STARD6: variants seen among roughly 807,000 people sequenced by gnomAD.
STARD6 encodes the protein StAR related lipid transfer domain containing 6.
STARD6 carries 21 observed loss-of-function variants against 22.3 expected under a neutral mutation model. That is an observed-to-expected ratio of 0.94 (90% CI 0.67 to 1.35). The LOEUF (loss-of-function observed/expected upper bound fraction) is 1.35. Among genes scored for constraint, STARD6 ranks in the 40% most tolerant of loss-of-function variants. The pLI, the probability that STARD6 is intolerant of heterozygous loss-of-function variation, is 0.00. For synonymous variants in STARD6, 80 were observed against 88.1 expected, an observed-to-expected ratio of 0.91 and a Z score of 0.52; for missense variants, 269 against 266.9, an observed-to-expected ratio of 1.01 and a Z score of -0.05.
At chr18:54,354,260 C>A in intron 3 of STARD6, 157 bp from the exon 4 acceptor site, 1 of 623,692 alleles carries the variant, frequency 1.6e-6, no homozygotes, top group South Asian at 2.4e-5. Flanking sequence ...CTATGTTGCC[C>A]AGTCTGTAGT....
At chr18:54,354,385 C>T (rs774466363) in intron 3 of STARD6, 99 bp downstream of exon 3, 1 of 1,067,758 alleles carries the variant, frequency 9.4e-7, no homozygotes, top group Non-Finnish European at 1.4e-6. Context: ...CACACCACTG[C>T]ACCTGGAACA....
At chr18:54,354,613 T>G (rs1187708264) in intron 2 of STARD6, 36 bp from the exon 3 acceptor site, 1 of 1,477,320 alleles carries the variant, frequency 6.8e-7, no homozygotes, top group Admixed American at 1.9e-5. Flanking sequence ...GGTAAGAATA[T>G]AACCATATAA....
chr18:54,345,430 CAG>C (rs780862253), intron 4 of STARD6, among the ~76,000 whole-genome samples: 1 of 152,062 alleles, frequency 6.6e-6, no homozygotes, highest in Non-Finnish European at 1.5e-5. Flanking sequence ...TCAAAATAAA[CAG>C]AGAGACATCC....
In STARD6 at chr18:54,324,502, A is replaced by G. The variant is rs1300779178; in HGVS notation, c.*190T>C. The stretch of plus-strand genomic sequence containing the variant: ...AACATCATTCTTACGTGAGATTAAA[A>G]ACGGTATTTAATGCCATATTCTTGT... On this transcript the variant is annotated 3_prime_UTR_variant, in exon 8 of 8. Transcript: ENST00000307844. 2.1e-6 allele frequency: 1 copy of G among 471,284 alleles called. No individual in the cohort carries two copies. Among genetic ancestry groups the G allele is most frequent in the Non-Finnish European group, 3.7e-6 (1 of 273,466 alleles). 29.2% of individuals were successfully genotyped at this position (471,284 alleles called of 1,614,324 possible).
chr18:54,336,160 C>G (rs1385750564), intron 5 of STARD6, among the ~76,000 whole-genome samples: 2 of 152,104 alleles, frequency 1.3e-5, no homozygotes, highest in Non-Finnish European at 2.9e-5. Context: ...TTTGTTTTCT[C>G]TTTGTTTTTA....
chr18:54,335,437 A>T (rs942060030), intron 5 of STARD6, among the ~76,000 whole-genome samples: 1 of 151,456 alleles, frequency 6.6e-6, no homozygotes, highest in Non-Finnish European at 1.5e-5. Flanking sequence ...CAGGTGATCC[A>T]CCCGCCTCTG....
At chr18:54,324,972 C>T (rs1407203491) in intron 7 of STARD6, 97 bp from the exon 8 acceptor site, 2 of 943,926 alleles carry the variant, frequency 2.1e-6, no homozygotes, top group African/African-American at 3.5e-5. Context: ...ATCTTATTCA[C>T]CGTTGACATA....
chr18:54,333,717 T>G (rs1015949151), intron 5 of STARD6, among the ~76,000 whole-genome samples: 1 of 152,196 alleles, frequency 6.6e-6, no homozygotes, highest in Non-Finnish European at 1.5e-5. Flanking sequence ...AACTCTTCTC[T>G]CCTAGATTTT....
intron 2 of STARD6, among the ~76,000 whole-genome samples, chr18:54,355,272 C>A (rs778984079): frequency 1.3e-5 from 2 of 152,108 alleles, no homozygotes; most frequent in Non-Finnish European, 2.9e-5. Flanking sequence ...GTTCATATAA[C>A]TGACTGTTTC....
intron 5 of STARD6, among the ~76,000 whole-genome samples, chr18:54,332,434 C>T (rs935642534): frequency 6.6e-6 from 1 of 152,180 alleles, no homozygotes; most frequent in East Asian, 1.9e-4. Context: ...ACTATTTATC[C>T]CTGTTGAGCG....
At position 54,337,246 on chromosome 18, in the gene STARD6, C is replaced by T. The variant is rs768682509; in HGVS notation, c.146G>A (p.Arg49His). 5.6e-6 allele frequency: 9 copies of T among 1,611,228 alleles called. No individual in the cohort carries two copies. In the Admixed American group the frequency reaches 8.4e-5, roughly 15 times the overall value. The change falls in exon 5 of 8, where the codon CGT becomes CAT. Residue 49 changes from arginine to histidine, a missense_variant. Physicochemically the swap from Arg to His is conservative, Grantham distance 29 (BLOSUM62 0). Transcript: ENST00000307844. The stretch of plus-strand genomic sequence containing the variant: ...TGATTCTGGAATTATCCCTTCAACA[C>T]GATATCTACAGTTAACAAAATAAAG... The part of the protein sequence containing the change: ...ASRKFHGNLY[R>H]VEGIIPESPA...
rs201231063 is a variant in STARD6, at chr18:54,337,134, C to G, written c.258G>C (p.Arg86Ser). The G allele has an allele frequency of 5.1e-4, 822 of 1,609,796 alleles. 15 individuals carry two copies. In the East Asian group the frequency reaches 0.018, roughly 36 times the overall value. Reference protein sequence around the residue: ...KSLQVYNMVHRIDSDTFICHT... With the variant: ...KSLQVYNMVHSIDSDTFICHT... ...TTAAACAACAAATTACCGAATCAAT[C>G]CTGTGTACCATATTATACACTTGCA... Residue 86 changes from arginine (R) to serine (S), a missense_variant, in exon 5 of 8, where the codon AGG becomes AGC. Coordinates refer to ENST00000307844, the MANE Select transcript of STARD6 (RefSeq NM_139171.2).
At chr18:54,349,875 A>T (rs189692119) in intron 4 of STARD6, among the ~76,000 whole-genome samples, 5 of 152,318 alleles carry the variant, frequency 3.3e-5, no homozygotes, top group African/African-American at 9.6e-5. Context: ...TAGTTTATAT[A>T]TACCACATTT....
intron 4 of STARD6, among the ~76,000 whole-genome samples, chr18:54,342,074 T>C (rs942285300): frequency 2.0e-5 from 3 of 152,168 alleles, no homozygotes; most frequent in Admixed American, 1.3e-4. Flanking sequence ...ACTGACCCTA[T>C]ACAAATAAAA....
At chr18:54,350,626 T>C (rs2089086868) in intron 4 of STARD6, among the ~76,000 whole-genome samples, 2 of 152,212 alleles carry the variant, frequency 1.3e-5, no homozygotes, top group African/African-American at 4.8e-5. Context: ...GTCTTAGATT[T>C]AAGTCTTTGA....
At position 54,334,288 on chromosome 18, in the gene STARD6, C is replaced by T. The variant is rs181718330; in HGVS notation, c.268-2429G>A. 1.6e-4 allele frequency among the ~76,000 whole-genome samples: 25 copies of T among 152,244 alleles called. 1 individual carries two copies. The East Asian group carries it at 2.9e-3, about 18-fold the overall frequency. ...TAGCCTCATAACTTTTTGCTGATTT[C>T]GTAGCCTCATAACTGTTTTTGCTGA... On this transcript the variant is annotated intron_variant, in intron 5 of 7. Transcript: ENST00000307844.
chr18:54,346,038 C>A (rs1408133501), intron 4 of STARD6, among the ~76,000 whole-genome samples: 2 of 152,052 alleles, frequency 1.3e-5, no homozygotes, highest in East Asian at 3.8e-4. Flanking sequence ...ACCAGCAACA[C>A]AAGTAACACA....
At chr18:54,339,988 A>T (rs2088955643) in intron 4 of STARD6, among the ~76,000 whole-genome samples, 1 of 152,206 alleles carries the variant, frequency 6.6e-6, no homozygotes. Context: ...TAAAAAAAAT[A>T]ACAGCAGATA....
chr18:54,353,960 A>T (rs1298411051), intron 4 of STARD6, 94 bp downstream of exon 4: 12 of 691,772 alleles, frequency 1.7e-5, no homozygotes. Context: ...ACTATAAAAT[A>T]ATTTATTATA....
Sources: gnomAD v4.1 joint callset for allele counts (sites outside exome capture counted in the v4.1 genomes callset) on GRCh38, gnomAD v4.1.1 for gene constraint, MANE v1.5 for transcripts, NCBI Gene and HGNC (gene_info 2026-07-23, HGNC 2026-07-21) for gene names.